PAPOLG: variants seen among roughly 807,000 people sequenced by gnomAD.
The protein encoded by PAPOLG is poly(A) polymerase gamma, also known as PAP-gamma.
In PAPOLG, 40 loss-of-function variants were observed where a neutral mutation model predicts 99.0. That is an observed-to-expected ratio of 0.40 (90% CI 0.31 to 0.53). The LOEUF (loss-of-function observed/expected upper bound fraction) is 0.53. PAPOLG is among the 20% of genes least tolerant of loss of function. PAPOLG has a pLI of 0.41. For missense variants in PAPOLG, 675 were observed against 884.1 expected, an observed-to-expected ratio of 0.76 and a Z score of 3.00; for synonymous variants, 310 against 299.3, an observed-to-expected ratio of 1.04 and a Z score of -0.37.
intron 10 of PAPOLG, 89 bp downstream of exon 10, chr2:60,780,868 G>T: frequency 1.9e-6 from 2 of 1,044,300 alleles, no homozygotes; most frequent in Non-Finnish European, 3.0e-6. Flanking sequence ...AGTTCCTCTT[G>T]TCTCTGTTCT....
rs1487794280 is a variant in PAPOLG, at chr2:60,800,979, G to A, written c.*3819G>A. ...CTAAAATGAAACTGTAAAGTCCTCG[G>A]TATTTAGAAAAATGCTTAATCTCAG... On this transcript the variant is annotated 3_prime_UTR_variant, in exon 22 of 22. Coordinates refer to ENST00000238714, the MANE Select transcript of PAPOLG (RefSeq NM_022894.4). The A allele has an allele frequency of 1.3e-5, 2 of 152,272 alleles. No individual in the cohort carries two copies. Among genetic ancestry groups the A allele is most frequent in the African/African-American group, 2.4e-5 (1 of 41,428 alleles). 9.4% of individuals were successfully genotyped at this position (152,272 alleles called of 1,614,324 possible).
intron 3 of PAPOLG, among the ~76,000 whole-genome samples, chr2:60,765,014 CT>C (rs1274416516): frequency 6.6e-6 from 1 of 152,142 alleles, no homozygotes; most frequent in Non-Finnish European, 1.5e-5. Context: ...TAGTTAACAT[CT>C]TCCATTGAGC....
chr2:60,780,679 G>T (rs755610187), intron 9 of PAPOLG, 28 bp from the exon 10 acceptor site: 2 of 1,609,904 alleles, frequency 1.2e-6, no homozygotes, highest in Non-Finnish European at 8.5e-7. Flanking sequence ...GAGATCATGT[G>T]TAAGTTAATT....
chr2:60,786,492 A>G (rs538638101), intron 13 of PAPOLG, among the ~76,000 whole-genome samples: 1 of 151,958 alleles, frequency 6.6e-6, no homozygotes, highest in East Asian at 1.9e-4. Context: ...CAGTCTTCCA[A>G]AGTGCTGGGA....
At position 60,786,993 on chromosome 2, in the gene PAPOLG, G is replaced by C. The variant is rs1217619272; in HGVS notation, c.1213G>C (p.Glu405Gln). 6.2e-7 allele frequency: 1 copy of C among 1,612,566 alleles called. No individual in the cohort carries two copies. The highest frequency in any genetic ancestry group is 1.1e-5 in the South Asian group (1 of 90,972). Residue 405 changes from glutamate (E) to glutamine (Q), a missense_variant, in exon 14 of 22, where the codon GAA (glutamate) becomes CAA (glutamine). Physicochemically the swap from Glu to Gln is conservative, Grantham distance 29. Around this residue, in one of 3 missense-constraint regions of PAPOLG, gnomAD observed 413 missense variants for 460.5 expected, o/e 0.90. Transcript: ENST00000238714. ...SKIRVLVGNL[E>Q]RNEFITLAHV... ...AATCCGTGTACTTGTTGGAAACTTG[G>C]AACGGAATGAATTTATTACTCTTGC...
rs748880325 is a variant in PAPOLG at position 60,787,055 on chromosome 2, A to G, written c.1275A>G (p.Glu425=). 6.2e-7 allele frequency: 1 copy of G among 1,605,694 alleles called. No individual in the cohort carries two copies. The highest frequency in any genetic ancestry group is 1.3e-5 in the African/African-American group (1 of 74,668). Residue 425 remains glutamate (E), a synonymous_variant, in exon 14 of 22, where the codon GAA becomes GAG. Transcript: ENST00000238714. ...VNPQSFPGNK[E]HHKDNNYVSM... ...CCCAGTCATTCCCAGGGAATAAGGA[A>G]CATCATAAAGAGTAAGTTAATTGTT...
At chr2:60,761,108 A>G (rs575378095) in intron 2 of PAPOLG, among the ~76,000 whole-genome samples, 38 of 152,200 alleles carry the variant, frequency 2.5e-4, no homozygotes, top group Non-Finnish European at 4.9e-4. Context: ...ATGATGGCCA[A>G]GATTTTTGGT....
chr2:60,780,622 G>C, intron 9 of PAPOLG, 85 bp from the exon 10 acceptor site: 1 of 1,377,852 alleles, frequency 7.3e-7, no homozygotes, highest in Non-Finnish European at 1.0e-6. Flanking sequence ...CTCTGTAGAA[G>C]GTTAGAACAA....
chr2:60,774,101 GTTTTTT>G (rs558297861), intron 7 of PAPOLG, among the ~76,000 whole-genome samples: 5 of 143,666 alleles, frequency 3.5e-5, no homozygotes, highest in Non-Finnish European at 6.2e-5. Flanking sequence ...TTTGTTTTTT[GTTTTTT>G]TTTTGAGACG....
At chr2:60,774,619 G>C (rs2103786087) in intron 7 of PAPOLG, among the ~76,000 whole-genome samples, 1 of 152,238 alleles carries the variant, frequency 6.6e-6, no homozygotes, top group East Asian at 1.9e-4. Flanking sequence ...ACCCACCTCA[G>C]CCTACCAAAG....
chr2:60,777,019 C>G (rs992805868), intron 8 of PAPOLG, among the ~76,000 whole-genome samples: 1 of 152,202 alleles, frequency 6.6e-6, no homozygotes, highest in Non-Finnish European at 1.5e-5. Context: ...CCAATCTTCA[C>G]TAGCTTCAGA....
At chr2:60,766,311 C>T (rs1203232874) in intron 3 of PAPOLG, among the ~76,000 whole-genome samples, 2 of 151,944 alleles carry the variant, frequency 1.3e-5, no homozygotes, top group Admixed American at 6.6e-5. Flanking sequence ...GTAAGGATAA[C>T]CAGGGAAGGC....
At chr2:60,792,066 T>G in intron 16 of PAPOLG, 63 bp from the exon 17 acceptor site, 3 of 1,520,980 alleles carry the variant, frequency 2.0e-6, no homozygotes, top group Non-Finnish European at 1.8e-6. Flanking sequence ...ACCTTCAGAA[T>G]TGAAACCAGT....
chr2:60,779,548 T>C, intron 8 of PAPOLG, 89 bp from the exon 9 acceptor site: 2 of 1,362,946 alleles, frequency 1.5e-6, no homozygotes, highest in Non-Finnish European at 2.0e-6. Context: ...ATGTCACGGA[T>C]ATTCATTCAC....
chr2:60,789,034 G>A (rs1026077440), intron 15 of PAPOLG, among the ~76,000 whole-genome samples: 5 of 152,050 alleles, frequency 3.3e-5, no homozygotes, highest in Non-Finnish European at 7.4e-5. Context: ...GTAGGGACAT[G>A]GATGAAATTG....
At chr2:60,770,061 C>T (rs918240509) in intron 5 of PAPOLG, among the ~76,000 whole-genome samples, 4 of 152,084 alleles carry the variant, frequency 2.6e-5, no homozygotes, top group Non-Finnish European at 5.9e-5. Flanking sequence ...TGATGGCTTC[C>T]AGTTTCATCC....
chr2:60,772,330 C>G (rs936426789), intron 7 of PAPOLG, among the ~76,000 whole-genome samples: 6 of 151,998 alleles, frequency 3.9e-5, no homozygotes, highest in Admixed American at 1.3e-4. Flanking sequence ...GCCTGTAGTT[C>G]CAGCTACTCA....
intron 6 of PAPOLG, among the ~76,000 whole-genome samples, chr2:60,770,922 C>A (rs1553376966): frequency 6.6e-6 from 1 of 152,112 alleles, no homozygotes; most frequent in Non-Finnish European, 1.5e-5. Flanking sequence ...CGCGCCTGGC[C>A]CATATTTTTA....
At chr2:60,792,054 T>G (rs1351347717) in intron 16 of PAPOLG, 75 bp from the exon 17 acceptor site, 4 of 1,498,150 alleles carry the variant, frequency 2.7e-6, no homozygotes, top group Non-Finnish European at 3.6e-6. Flanking sequence ...TTTGCTTAAG[T>G]GACCTTCAGA....
Sources: allele counts gnomAD v4.1 joint callset (sites outside exome capture counted in the v4.1 genomes callset), GRCh38; gene constraint gnomAD v4.1.1; regional missense constraint gnomAD v4.1.1; transcripts MANE v1.5; gene names NCBI Gene and HGNC (gene_info 2026-07-23, HGNC 2026-07-21).